CLNK: variants seen among roughly 807,000 people sequenced by gnomAD.
The protein encoded by CLNK is cytokine dependent hematopoietic cell linker.
CLNK carries 74 observed loss-of-function variants against 68.6 expected under a neutral mutation model. The ratio of observed to expected loss-of-function variants is 1.08; its 90% CI spans 0.89 to 1.31. CLNK has a LOEUF of 1.31. CLNK is among the 50% of genes most tolerant of loss of function. The pLI, the probability that CLNK is intolerant of heterozygous loss-of-function variation, is 0.00. For missense variants in CLNK, 553 were observed against 515.3 expected, an observed-to-expected ratio of 1.07 and a Z score of -0.71; for synonymous variants, 198 against 172.2, an observed-to-expected ratio of 1.15 and a Z score of -1.17.
chr4:10,690,141 A>G, the CLNK span, among the ~76,000 whole-genome samples: 2 of 152,170 alleles, frequency 1.3e-5, no homozygotes, highest in African/African-American at 4.8e-5. Flanking sequence ...ACCTCAGTAA[A>G]TAAACACGGT....
chr4:10,582,098 C>G (rs1280804979), intron 4 of CLNK, among the ~76,000 whole-genome samples: 12 of 152,082 alleles, frequency 7.9e-5, no homozygotes, highest in African/African-American at 2.7e-4. Context: ...TTGAGTTTAC[C>G]AATCTTGGGA....
chr4:10,621,096 G>A (rs1016278126), intron 2 of CLNK, among the ~76,000 whole-genome samples: 6 of 152,042 alleles, frequency 3.9e-5, no homozygotes, highest in African/African-American at 7.2e-5. Flanking sequence ...ACTCCGTCTC[G>A]AAAACAGAAA....
intron 2 of CLNK, among the ~76,000 whole-genome samples, chr4:10,655,101 G>GAAA (rs748148319): frequency 4.0e-4 from 29 of 72,808 alleles, no homozygotes; most frequent in African/African-American, 1.2e-3. Context: ...ACACCGACTC[G>GAAA]AAAAAAAAAA....
At chr4:10,522,680 A>G (rs991237782) in intron 14 of CLNK, among the ~76,000 whole-genome samples, 1 of 152,242 alleles carries the variant, frequency 6.6e-6, no homozygotes, top group Admixed American at 6.5e-5. Flanking sequence ...GGAATAGACA[A>G]TAAAGAAGAC....
intron 2 of CLNK, among the ~76,000 whole-genome samples, chr4:10,626,824 C>T (rs1187122170): frequency 2.0e-5 from 3 of 152,190 alleles, no homozygotes; most frequent in Non-Finnish European, 2.9e-5. Flanking sequence ...CATGGAGTGT[C>T]ATGCCACGTG....
chr4:10,551,319 A>G (rs1719444661), intron 8 of CLNK, among the ~76,000 whole-genome samples: 1 of 152,082 alleles, frequency 6.6e-6, no homozygotes, highest in Non-Finnish European at 1.5e-5. Context: ...GTCTTGGCTC[A>G]CTGCAACCTC....
At chr4:10,678,751 A>G (rs1040643250) in intron 1 of CLNK, among the ~76,000 whole-genome samples, 52 of 152,296 alleles carry the variant, frequency 3.4e-4, no homozygotes, top group African/African-American at 1.2e-3. Flanking sequence ...CAGAGAGCCA[A>G]ATCATGAGTG....
At chr4:10,649,685 C>G (rs1262101058) in intron 2 of CLNK, among the ~76,000 whole-genome samples, 1 of 152,104 alleles carries the variant, frequency 6.6e-6, no homozygotes, top group Non-Finnish European at 1.5e-5. Context: ...TGAGAATTAA[C>G]AAATATGCAT....
At chr4:10,536,523 A>C (rs186338272) in intron 11 of CLNK, among the ~76,000 whole-genome samples, 27 of 152,278 alleles carry the variant, frequency 1.8e-4, no homozygotes, top group Non-Finnish European at 3.1e-4. Flanking sequence ...TTGCCCCATC[A>C]ATAGTCAAAT....
At chr4:10,620,760 G>C (rs1316384593) in intron 2 of CLNK, among the ~76,000 whole-genome samples, 1 of 152,024 alleles carries the variant, frequency 6.6e-6, no homozygotes, top group Non-Finnish European at 1.5e-5. Flanking sequence ...CTTCTGGCTT[G>C]CTTGACTGCC....
intron 2 of CLNK, among the ~76,000 whole-genome samples, chr4:10,604,218 C>G (rs1577161009): frequency 6.6e-6 from 1 of 152,174 alleles, no homozygotes. Context: ...CATAGTTGAA[C>G]AACCAGTAGC....
At chr4:10,520,314 A>AT (rs1457589250) in intron 15 of CLNK, among the ~76,000 whole-genome samples, 4 of 152,130 alleles carry the variant, frequency 2.6e-5, no homozygotes, top group South Asian at 4.1e-4. Context: ...CATTTCACAG[A>AT]TTTTTTTCTT....
chr4:10,572,789 T>A (rs1359341563), intron 4 of CLNK, among the ~76,000 whole-genome samples: 5 of 152,214 alleles, frequency 3.3e-5, no homozygotes, highest in Admixed American at 3.3e-4. Context: ...TACTTCTTGC[T>A]CTGGCTTTAT....
At chr4:10,652,547 G>T (rs1723786894) in intron 2 of CLNK, among the ~76,000 whole-genome samples, 2 of 152,044 alleles carry the variant, frequency 1.3e-5, no homozygotes, top group African/African-American at 4.8e-5. Context: ...AGCTTGCTTG[G>T]TTATTATATT....
intron 2 of CLNK, among the ~76,000 whole-genome samples, chr4:10,648,167 G>A (rs1300334137): frequency 1.3e-5 from 2 of 152,284 alleles, no homozygotes; most frequent in East Asian, 1.9e-4. Context: ...ACCACGTAAT[G>A]AGATACCTCA....
At chr4:10,591,772 A>G (rs1045448134) in intron 3 of CLNK, among the ~76,000 whole-genome samples, 1 of 152,238 alleles carries the variant, frequency 6.6e-6, no homozygotes, top group African/African-American at 2.4e-5. Context: ...GCCTCTCTCA[A>G]TCCAGATGAA....
intron 2 of CLNK, among the ~76,000 whole-genome samples, chr4:10,631,260 G>C (rs1484258320): frequency 6.6e-6 from 1 of 152,178 alleles, no homozygotes; most frequent in South Asian, 2.1e-4. Context: ...AAGTGTCTAA[G>C]GTATGTGTCC....
At chr4:10,613,378 G>A (rs980678936) in intron 2 of CLNK, among the ~76,000 whole-genome samples, 9 of 152,162 alleles carry the variant, frequency 5.9e-5, no homozygotes, top group Non-Finnish European at 8.8e-5. Flanking sequence ...TTCAAAGGCA[G>A]GAATGTGGCT....
intron 1 of CLNK, among the ~76,000 whole-genome samples, chr4:10,679,590 A>G (rs974604971): frequency 1.3e-5 from 2 of 152,118 alleles, no homozygotes; most frequent in South Asian, 2.1e-4. Flanking sequence ...CCTACAGAAT[A>G]GGAGAAAATT....
Sources: gnomAD v4.1 joint callset for allele counts (sites outside exome capture counted in the v4.1 genomes callset) on GRCh38, gnomAD v4.1.1 for gene constraint, MANE v1.5 for transcripts, NCBI Gene and HGNC (gene_info 2026-07-23, HGNC 2026-07-21) for gene names.